LRMDA: variants seen among roughly 807,000 people sequenced by gnomAD.
LRMDA encodes the protein leucine-rich melanocyte differentiation-associated protein.
Under a neutral mutation model 29.8 loss-of-function variants are expected in LRMDA, and 18 were observed. The ratio of observed to expected loss-of-function variants is 0.60; its 90% CI spans 0.42 to 0.90. The LOEUF (loss-of-function observed/expected upper bound fraction) is 0.90, where lower values mean the gene tolerates loss of function less well. Among genes scored for constraint, LRMDA ranks in the 40% least tolerant of loss-of-function variants. The pLI, the probability that LRMDA is intolerant of heterozygous loss-of-function variation, is 0.00. For missense variants in LRMDA, 273 were observed against 273.9 expected, an observed-to-expected ratio of 1.00 and a Z score of 0.02; for synonymous variants, 125 against 109.4, an observed-to-expected ratio of 1.14 and a Z score of -0.89.
chr10:76,415,700 G>A lies in LRMDA; in HGVS notation c.601+91215G>A, dbSNP rs186551313. ...TACACACTATCATCACCATATGTGC[G>A]TGCATTCCTGACATGGCTATGGGCC... is the stretch of plus-strand genomic sequence containing the variant. On this transcript the variant is annotated intron_variant, in intron 6 of 6. Transcript: ENST00000611255. 1.6e-4 allele frequency among the ~76,000 whole-genome samples: 25 copies of A among 152,248 alleles called. 1 individual carries two copies. The East Asian group carries it at 3.1e-3, about 19-fold the overall frequency.
chr10:76,437,678 GAA>G (rs1249943452), intron 6 of LRMDA: 1 of 152,302 alleles, frequency 6.6e-6, no homozygotes, highest in Non-Finnish European at 1.5e-5. Flanking sequence ...GAGGAACCAG[GAA>G]AACCTTTCCG....
At chr10:76,183,960 T>C (rs1021092317) in intron 5 of LRMDA, among the ~76,000 whole-genome samples, 3 of 152,048 alleles carry the variant, frequency 2.0e-5, no homozygotes, top group Non-Finnish European at 2.9e-5. Flanking sequence ...TGGCCTCAAG[T>C]GATGCTCCAC....
Position 75,927,166 on chromosome 10 carries a change from C to A in LRMDA, c.132-108842C>A, listed in dbSNP as rs145285280. ...TCCAGCGATAGGGAATTCATTATAC[C>A]CAGAAGCAGCACAAGCCAACTTATC... is the stretch of plus-strand genomic sequence containing the variant. On this transcript the variant is annotated intron_variant, in intron 2 of 6. Transcript: ENST00000611255. 3.9e-5 allele frequency among the ~76,000 whole-genome samples: 6 copies of A among 152,214 alleles called. No homozygotes were observed. In the East Asian group the frequency reaches 1.2e-3, roughly 29 times the overall value.
intron 2 of LRMDA, among the ~76,000 whole-genome samples, chr10:75,787,194 C>T (rs1305414006): frequency 6.6e-6 from 1 of 152,212 alleles, no homozygotes; most frequent in Non-Finnish European, 1.5e-5. Context: ...TTCTTTGATA[C>T]CGTCTCTGGG....
At chr10:76,186,558 C>A (rs893117054) in intron 5 of LRMDA, among the ~76,000 whole-genome samples, 5 of 152,206 alleles carry the variant, frequency 3.3e-5, no homozygotes, top group Non-Finnish European at 7.3e-5. Flanking sequence ...AGAAGTCCTG[C>A]AGCTCTGGTG....
intron 2 of LRMDA, among the ~76,000 whole-genome samples, chr10:75,571,880 C>T (rs934957033): frequency 1.3e-5 from 2 of 152,092 alleles, no homozygotes; most frequent in African/African-American, 4.8e-5. Context: ...CCTTTCTGAT[C>T]CAAATGATCC....
chr10:75,775,038 T>A (rs1228646265), intron 2 of LRMDA, among the ~76,000 whole-genome samples: 1 of 152,214 alleles, frequency 6.6e-6, no homozygotes, highest in Non-Finnish European at 1.5e-5. Context: ...TCCTAGTCAA[T>A]TGAAACCAAC....
chr10:75,811,889 G>T (rs7082881), intron 2 of LRMDA, among the ~76,000 whole-genome samples: 56,057 of 151,968 alleles, frequency 0.37, 12,178 homozygotes, highest in South Asian at 0.5. Context: ...CATGCTTGTG[G>T]ACAGTGAATT....
chr10:76,067,163 C>T (rs886684458), intron 5 of LRMDA, among the ~76,000 whole-genome samples: 1 of 152,204 alleles, frequency 6.6e-6, no homozygotes, highest in Non-Finnish European at 1.5e-5. Flanking sequence ...GAGTTCACAA[C>T]ATCTCGAAAA....
At chr10:75,721,006 T>A (rs543676059) in intron 2 of LRMDA, among the ~76,000 whole-genome samples, 11 of 152,368 alleles carry the variant, frequency 7.2e-5, no homozygotes, top group African/African-American at 2.6e-4. Flanking sequence ...CCGTGCCATC[T>A]TGTGGGTACA....
intron 2 of LRMDA, among the ~76,000 whole-genome samples, chr10:75,548,978 G>T (rs764979365): frequency 6.6e-6 from 1 of 152,084 alleles, no homozygotes; most frequent in Non-Finnish European, 1.5e-5. Context: ...TAATGGTACA[G>T]TTGGCCCTGT....
chr10:76,143,173 G>A (rs1850238646), intron 5 of LRMDA, among the ~76,000 whole-genome samples: 1 of 152,120 alleles, frequency 6.6e-6, no homozygotes, highest in Non-Finnish European at 1.5e-5. Flanking sequence ...TGTCTTTATA[G>A]CAGCATGATT....
At chr10:75,911,312 T>C (rs553082308) in intron 2 of LRMDA, among the ~76,000 whole-genome samples, 1 of 152,192 alleles carries the variant, frequency 6.6e-6, no homozygotes, top group Admixed American at 6.5e-5. Context: ...CATGGTACAA[T>C]CACAAGAAAG....
intron 6 of LRMDA, among the ~76,000 whole-genome samples, chr10:76,327,381 A>G (rs1374188134): frequency 6.6e-6 from 1 of 152,008 alleles, no homozygotes; most frequent in African/African-American, 2.4e-5. Context: ...GTGAGCCACC[A>G]CGCCCAGCCT....
intron 2 of LRMDA, among the ~76,000 whole-genome samples, chr10:75,948,828 T>A (rs1846523741): frequency 6.6e-6 from 1 of 151,944 alleles, no homozygotes; most frequent in Non-Finnish European, 1.5e-5. Flanking sequence ...TGGTGTCCGG[T>A]TGGTGATATA....
intron 2 of LRMDA, among the ~76,000 whole-genome samples, chr10:75,705,762 C>T (rs1842358638): frequency 6.6e-6 from 1 of 152,164 alleles, no homozygotes; most frequent in Non-Finnish European, 1.5e-5. Flanking sequence ...ACAAAGCGTC[C>T]CTGCAGTGCT....
intron 2 of LRMDA, among the ~76,000 whole-genome samples, chr10:75,574,191 T>C (rs575657944): frequency 2.0e-5 from 3 of 152,338 alleles, no homozygotes; most frequent in African/African-American, 7.2e-5. Flanking sequence ...CTAGGGCTTA[T>C]ATCCAGGTCT....
rs192143781 is a variant in LRMDA, at chr10:75,547,280, T to C, written c.131+108786T>C. ...TGGACCAAAACATGCGAACCACTTGTAGGGTTATTTTAGGCATGGATAAGG... is the reference window on the plus strand; with the variant it reads ...TGGACCAAAACATGCGAACCACTTGCAGGGTTATTTTAGGCATGGATAAGG... On this transcript the variant is annotated intron_variant, in intron 2 of 6. Transcript: ENST00000611255. 1.3e-4 allele frequency among the ~76,000 whole-genome samples: 20 copies of C among 152,288 alleles called. No homozygotes were observed. The East Asian group carries it at 3.7e-3, about 28-fold the overall frequency.
intron 5 of LRMDA, among the ~76,000 whole-genome samples, chr10:76,138,204 TC>T (rs536177273): frequency 2.1e-3 from 324 of 152,094 alleles, no homozygotes; most frequent in African/African-American, 6.8e-3. Flanking sequence ...AGCAACTTTT[TC>T]CCCCCAGTGT....
Sources: gnomAD v4.1 joint callset for allele counts (sites outside exome capture counted in the v4.1 genomes callset) on GRCh38, gnomAD v4.1.1 for gene constraint, MANE v1.5 for transcripts, NCBI Gene and HGNC (gene_info 2026-07-23, HGNC 2026-07-21) for gene names.